Variants in BCL9 observed in about 807,000 individuals in gnomAD.
BCL9 encodes the protein B-cell CLL/lymphoma 9 protein.
Under a neutral mutation model 88.5 loss-of-function variants are expected in BCL9, and 25 were observed. The ratio of observed to expected loss-of-function variants is 0.28; its 90% confidence interval spans 0.21 to 0.39. BCL9 has a LOEUF of 0.39. Ranked by LOEUF, BCL9 falls within the 10% of genes least tolerant of loss-of-function variation. The pLI is 1.00. For synonymous variants in BCL9, 711 were observed against 673.3 expected (o/e 1.06, Z -0.87); for missense variants, 1,817 against 1,877.8 (o/e 0.97, Z 0.60).
intron 1 of BCL9, among the ~76,000 whole-genome samples, chr1:147,589,992 A>T (rs1204916942): frequency 6.6e-6 from 1 of 152,126 alleles, no homozygotes; most frequent in African/African-American, 2.4e-5. Context: ...ATTCTCACCA[A>T]CACTTGCCAT....
chr1:147,617,843 G>A (rs1658368684), intron 7 of BCL9, among the ~76,000 whole-genome samples: 3 of 152,142 alleles, frequency 2.0e-5, no homozygotes, highest in South Asian at 4.1e-4. Flanking sequence ...CTGAGACAGG[G>A]TTTGTAGATC....
chr1:147,574,620 C>A (rs782426829), intron 1 of BCL9, among the ~76,000 whole-genome samples: 26 of 152,088 alleles, frequency 1.7e-4, no homozygotes, highest in Non-Finnish European at 3.4e-4. Flanking sequence ...AGTAATTATC[C>A]CAACATGGGA....
intron 1 of BCL9, among the ~76,000 whole-genome samples, chr1:147,563,517 A>C (rs1655475506): frequency 6.6e-6 from 1 of 152,228 alleles, no homozygotes; most frequent in Admixed American, 6.5e-5. Context: ...ATCTGCTTTC[A>C]GGATATGGAA....
intron 1 of BCL9, among the ~76,000 whole-genome samples, chr1:147,588,811 C>G (rs977606544): frequency 1.3e-5 from 2 of 152,178 alleles, no homozygotes; most frequent in Non-Finnish European, 2.9e-5. Context: ...ACCCTGCACT[C>G]CCTAATGCTG....
chr1:147,604,128 T>G (rs587745170), intron 1 of BCL9, among the ~76,000 whole-genome samples: 1 of 152,286 alleles, frequency 6.6e-6, no homozygotes, highest in African/African-American at 2.4e-5. Context: ...GAATTGCTAA[T>G]AATACCAGGG....
rs1287782904 is a variant in BCL9, at chr1:147,625,746, T to TAAG, written c.*788_*790dup. The TAAG allele has an allele frequency of 4.3e-6, 1 of 233,520 alleles. No homozygotes were observed. Among genetic ancestry groups the TAAG allele is most frequent in the Non-Finnish European group, 8.5e-6 (1 of 118,010 alleles). The allele number at this position is 233,520 out of a possible 1,614,324, so 14.5% of individuals were successfully genotyped here. A position where few individuals can be genotyped will look rare whatever the true frequency, so the allele number is the denominator to read the frequency against. On this transcript the variant is annotated 3_prime_UTR_variant, in exon 10 of 10. Transcript: ENST00000234739. ...TCCGATTTTGCTCTGTCTCCTCAGT[T>TAAG]AAGTGTTTCCTTCCTTTGTGCCCCC...
At chr1:147,622,103 TCA>T (rs1185861768) in intron 8 of BCL9, among the ~76,000 whole-genome samples, 166 bp from the exon 9 acceptor site, 17 of 152,208 alleles carry the variant, frequency 1.1e-4, no homozygotes, top group African/African-American at 3.4e-4. Flanking sequence ...CCCTCTGCAC[TCA>T]CACAGAGCTT....
chr1:147,583,719 G>C (rs1447943909), intron 1 of BCL9, among the ~76,000 whole-genome samples: 1 of 151,662 alleles, frequency 6.6e-6, no homozygotes, highest in South Asian at 2.1e-4. Context: ...TTGGGAGTCC[G>C]AGGTGGGCAG....
At chr1:147,545,510 A>G (rs587694434) in intron 1 of BCL9, among the ~76,000 whole-genome samples, 3 of 152,322 alleles carry the variant, frequency 2.0e-5, no homozygotes, top group Admixed American at 2.0e-4. Context: ...AGCAGTGATA[A>G]CAGGTCATCT....
rs587619589 is a variant in BCL9, at chr1:147,617,116, G to T, written c.660+1214G>T. On this transcript the variant is annotated intron_variant, in intron 7 of 9. Transcript: ENST00000234739. The stretch of plus-strand genomic sequence containing the variant: ...AGAAAAGGAATTTCATATTCCCCAT[G>T]CATCTTGACTACTCAAGGGTAGAAG... Among the ~76,000 whole-genome samples the T allele has an allele frequency of 2.0e-5, 3 of 152,302 alleles. No homozygotes were observed. In the South Asian group the frequency reaches 6.2e-4, roughly 32 times the overall value.
intron 6 of BCL9, 112 bp downstream of exon 6, chr1:147,614,728 A>G: frequency 8.3e-7 from 1 of 1,198,240 alleles, no homozygotes; most frequent in South Asian, 1.7e-5. Context: ...AGTACAGATA[A>G]AACATAAAAC....
At chr1:147,565,957 A>G (rs993788519) in intron 1 of BCL9, among the ~76,000 whole-genome samples, 3 of 152,102 alleles carry the variant, frequency 2.0e-5, no homozygotes, top group Non-Finnish European at 4.4e-5. Flanking sequence ...AATACTTGCA[A>G]TTCCCATCTT....
At chr1:147,614,284 A>G in intron 5 of BCL9, 143 bp from the exon 6 acceptor site, 1 of 771,388 alleles carries the variant, frequency 1.3e-6, no homozygotes, top group South Asian at 1.9e-5. Context: ...AGTATTTGAA[A>G]TTTTATAAGT....
Position 147,544,428 on chromosome 1 carries a change from C to T in BCL9, c.-478+2754C>T, listed in dbSNP as rs1305982809. Among the ~76,000 whole-genome samples the T allele has an allele frequency of 2.6e-5, 4 of 152,192 alleles. No individual in the cohort carries two copies. The East Asian group carries it at 7.7e-4, about 29-fold the overall frequency. On this transcript the variant is annotated intron_variant, in intron 1 of 9. Coordinates refer to ENST00000234739, the MANE Select transcript of BCL9 (RefSeq NM_004326.4). The stretch of plus-strand genomic sequence containing the variant: ...TCCCTCTCTCACCATCCTTCACTCT[C>T]TCTCTTTTTCTTAGCACACAGACCA...
rs377155284 is a variant in BCL9, at chr1:147,578,665, A to G, written c.-477-26112A>G. Among the ~76,000 whole-genome samples the G allele has an allele frequency of 6.6e-5, 10 of 152,286 alleles. No individual in the cohort carries two copies. In the South Asian group the frequency reaches 2.1e-3, roughly 32 times the overall value. On this transcript the variant is annotated intron_variant, in intron 1 of 9. Transcript: ENST00000234739. ...ATTTCCTACCCCTGGAATCCTTCAGACCTTCCTCCAAAGAAACTTTCTGGA... is the reference window on the plus strand; with the variant it reads ...ATTTCCTACCCCTGGAATCCTTCAGGCCTTCCTCCAAAGAAACTTTCTGGA...
chr1:147,559,834 T>C (rs1390993927), intron 1 of BCL9, among the ~76,000 whole-genome samples: 1 of 152,164 alleles, frequency 6.6e-6, no homozygotes, highest in African/African-American at 2.4e-5. Context: ...AAAAATAGTA[T>C]TTGAAAAAGA....
chr1:147,615,399 C>CT (rs1658226943), intron 6 of BCL9, among the ~76,000 whole-genome samples: 1 of 152,052 alleles, frequency 6.6e-6, no homozygotes, highest in Admixed American at 6.5e-5. Flanking sequence ...GGTTTTCTGA[C>CT]TTTTTTTCCA....
chr1:147,558,204 T>G (rs782478223), intron 1 of BCL9, among the ~76,000 whole-genome samples: 3 of 152,160 alleles, frequency 2.0e-5, no homozygotes, highest in Non-Finnish European at 4.4e-5. Context: ...TTGCCTAAAG[T>G]CAAATAGCAT....
intron 1 of BCL9, among the ~76,000 whole-genome samples, chr1:147,545,551 T>C (rs1553194178): frequency 6.6e-6 from 1 of 152,216 alleles, no homozygotes; most frequent in African/African-American, 2.4e-5. Context: ...CTGAAGACTG[T>C]TATGACATTT....
Sources: allele counts gnomAD v4.1 joint callset (sites outside exome capture counted in the v4.1 genomes callset), GRCh38; gene constraint gnomAD v4.1.1; transcripts MANE v1.5; gene names NCBI Gene and HGNC (gene_info 2026-07-23, HGNC 2026-07-21).